LPP: variants seen among roughly 807,000 people sequenced by gnomAD.
LPP encodes the protein lipoma-preferred partner.
A neutral mutation model predicts 60.4 loss-of-function variants in LPP; 38 were observed. The observed-to-expected ratio is 0.63, with a 90% CI of 0.49 to 0.83. The LOEUF (loss-of-function observed/expected upper bound fraction) is 0.83. Ranked by LOEUF, LPP falls within the 40% of genes least tolerant of loss-of-function variation. The pLI is 0.00. For synonymous variants in LPP, 328 were observed against 290.8 expected (o/e 1.13, Z -1.30); for missense variants, 902 against 783.6 (o/e 1.15, Z -1.80).
rs57578460 is a variant in LPP at position 188,495,083 on chromosome 3, T to TATATATATATATATATATATATATATATA, written c.306+10379_306+10380insATATATATATATATATATATATATATATA. Among the ~76,000 whole-genome samples, 67 of 77,726 alleles carry TATATATATATATATATATATATATATATA rather than the reference T, an allele frequency of 8.6e-4. 3 individuals carry two copies. In the East Asian group the frequency reaches 0.011, roughly 13 times the overall value. The allele number at this position is 77,726 out of a possible 152,430, so 51.0% of individuals were successfully genotyped here. A position where few individuals can be genotyped will look rare whatever the true frequency, so the allele number is the denominator to read the frequency against. ...AGGATTTTATATATATATATATATA[T>TATATATATATATATATATATATATATATA]TTTATTTATATTTTATTATATATTT... is the stretch of plus-strand genomic sequence containing the variant. On this transcript the variant is annotated intron_variant, in intron 5 of 11. Transcript: ENST00000617246.
chr3:188,621,858 C>A (rs1845867172), intron 7 of LPP, among the ~76,000 whole-genome samples: 1 of 152,088 alleles, frequency 6.6e-6, no homozygotes, highest in Non-Finnish European at 1.5e-5. Flanking sequence ...TGGGGTTTCG[C>A]ATTGTTAGCC....
Position 188,374,185 on chromosome 3 carries a change from A to T in LPP, c.-9-31927A>T, listed in dbSNP as rs570933052. Among the ~76,000 whole-genome samples the T allele has an allele frequency of 8.7e-4, 133 of 152,064 alleles. 2 individuals are homozygous for T. Among genetic ancestry groups the T allele is most frequent in the African/African-American group, 3.1e-3 (129 of 41,340 alleles). ...CTTTTGGCTTAGGATTGACTTGGCGATGCAGGCTGTTTTTTGGTTCCAGAT... is the reference window on the plus strand; with the variant it reads ...CTTTTGGCTTAGGATTGACTTGGCGTTGCAGGCTGTTTTTTGGTTCCAGAT... On this transcript the variant is annotated intron_variant, in intron 3 of 11. Coordinates refer to ENST00000617246, the MANE Select transcript of LPP (RefSeq NM_001375462.1).
intron 1 of LPP, among the ~76,000 whole-genome samples, chr3:188,207,630 T>C (rs1419543920): frequency 6.6e-6 from 1 of 151,286 alleles, no homozygotes; most frequent in East Asian, 1.9e-4. Flanking sequence ...TCTTTTTTTT[T>C]TTTTTTTTTA....
chr3:188,438,348 A>T (rs1348247670), intron 4 of LPP, among the ~76,000 whole-genome samples: 1 of 132,614 alleles, frequency 7.5e-6, no homozygotes, highest in Non-Finnish European at 1.6e-5. Context: ...ACACTATTCC[A>T]TGCATTACAC....
intron 4 of LPP, among the ~76,000 whole-genome samples, chr3:188,438,192 G>A (rs1160589765): frequency 6.6e-6 from 1 of 152,136 alleles, no homozygotes; most frequent in African/African-American, 2.4e-5. Flanking sequence ...CAAACAGACA[G>A]GTTGGTTAGA....
intron 9 of LPP, among the ~76,000 whole-genome samples, chr3:188,857,157 C>T (rs1764039614): frequency 6.6e-6 from 1 of 152,126 alleles, no homozygotes; most frequent in Admixed American, 6.5e-5. Context: ...ATCAGCTTCA[C>T]AAAATGCAGT....
In LPP at chr3:188,610,975, C is replaced by A. The variant is rs1843590563; in HGVS notation, c.1113+1131C>A. 6.6e-6 allele frequency among the ~76,000 whole-genome samples: 1 copy of A among 152,158 alleles called. No homozygotes were observed. The highest frequency in any genetic ancestry group is 1.5e-5 in the Non-Finnish European group (1 of 68,006). On this transcript the variant is annotated intron_variant, in intron 7 of 11. Transcript: ENST00000617246. This position sits in a 1 kb window ranked among gnomAD's most constrained non-coding sequence, Gnocchi z 4.4. Reference sequence around the variant, plus strand: ...AGTTTGGACTGTATTTTTAAAAATTCTTTCCACATTTTTACAAGATTGTCC... The same window carrying A: ...AGTTTGGACTGTATTTTTAAAAATTATTTCCACATTTTTACAAGATTGTCC...
chr3:188,708,538 A>G, intron 8 of LPP, 145 bp downstream of exon 8: 1 of 1,102,960 alleles, frequency 9.1e-7, no homozygotes, highest in Non-Finnish European at 1.3e-6. Context: ...ACAACTAAGT[A>G]ATTGTAGGAT....
intron 7 of LPP, among the ~76,000 whole-genome samples, chr3:188,623,567 A>G (rs1846224537): frequency 1.3e-5 from 2 of 152,266 alleles, no homozygotes; most frequent in Admixed American, 6.5e-5. Context: ...TGAAGATACT[A>G]TAAACATCTT....
chr3:188,839,646 G>A (rs372389768), intron 9 of LPP, among the ~76,000 whole-genome samples: 9 of 152,044 alleles, frequency 5.9e-5, no homozygotes, highest in East Asian at 1.9e-4. Flanking sequence ...AGGCTGAGGC[G>A]GACAGATTAC....
At chr3:188,519,982 T>A (rs1818423522) in intron 5 of LPP, among the ~76,000 whole-genome samples, 1 of 152,208 alleles carries the variant, frequency 6.6e-6, no homozygotes, top group Non-Finnish European at 1.5e-5. Context: ...AGACTCTTGA[T>A]AATGGCCTAA....
intron 3 of LPP, among the ~76,000 whole-genome samples, chr3:188,386,640 C>T (rs994969178): frequency 2.0e-5 from 3 of 152,174 alleles, no homozygotes; most frequent in African/African-American, 7.2e-5. Flanking sequence ...ATAATGCAAG[C>T]TGAGACTTTT....
At chr3:188,577,849 C>CTTTCTG (rs141231679) in intron 6 of LPP, among the ~76,000 whole-genome samples, 14 of 133,632 alleles carry the variant, frequency 1.0e-4, no homozygotes, top group African/African-American at 2.2e-4. Context: ...CTTGCCCTTT[C>CTTTCTG]TCTCTCTCTC....
At chr3:188,207,666 C>T (rs1237561901) in intron 1 of LPP, among the ~76,000 whole-genome samples, 1 of 149,574 alleles carries the variant, frequency 6.7e-6, no homozygotes, top group Admixed American at 6.7e-5. Flanking sequence ...CTATGTTTCC[C>T]AGGCTGGTCT....
At chr3:188,598,474 TAGAG>T (rs1209923835) in intron 6 of LPP, among the ~76,000 whole-genome samples, 1 of 152,008 alleles carries the variant, frequency 6.6e-6, no homozygotes, top group Non-Finnish European at 1.5e-5. Context: ...CGGTAACTAG[TAGAG>T]AGAATTAACA....
chr3:188,675,969 G>A (rs1437383895), intron 7 of LPP, among the ~76,000 whole-genome samples: 1 of 152,042 alleles, frequency 6.6e-6, no homozygotes, highest in African/African-American at 2.4e-5. Flanking sequence ...TTGGTGATTG[G>A]AATCCTCTTT....
intron 2 of LPP, among the ~76,000 whole-genome samples, chr3:188,249,088 A>T (rs891470954): frequency 6.6e-6 from 1 of 152,158 alleles, no homozygotes; most frequent in Admixed American, 6.5e-5. Flanking sequence ...ATTGCTTTCC[A>T]TATTAAGAAA....
intron 4 of LPP, among the ~76,000 whole-genome samples, chr3:188,456,117 CA>C (rs1797680904): frequency 6.6e-6 from 1 of 152,152 alleles, no homozygotes; most frequent in Non-Finnish European, 1.5e-5. Flanking sequence ...GCACTGGGCT[CA>C]AATGATTCTT....
At chr3:188,262,830 G>T (rs999333782) in intron 2 of LPP, among the ~76,000 whole-genome samples, 3 of 150,524 alleles carry the variant, frequency 2.0e-5, no homozygotes, top group Non-Finnish European at 4.4e-5. Flanking sequence ...CTGAAATCAT[G>T]TTAAAAAAAA....
Sources: gnomAD v4.1 joint callset for allele counts (sites outside exome capture counted in the v4.1 genomes callset) on GRCh38, gnomAD v4.1.1 for gene constraint, Gnocchi (gnomAD v3.1) non-coding constraint, MANE v1.5 for transcripts, NCBI Gene and HGNC (gene_info 2026-07-23, HGNC 2026-07-21) for gene names.